RPS6KA2: variants seen among roughly 807,000 people sequenced by gnomAD.
RPS6KA2 encodes the protein ribosomal protein S6 kinase A2.
In RPS6KA2, 42 loss-of-function variants were observed where a neutral mutation model predicts 91.8. The observed-to-expected ratio is 0.46, with a 90% confidence interval of 0.36 to 0.59. RPS6KA2 has a LOEUF of 0.59. RPS6KA2 is among the 20% of genes least tolerant of loss of function. The probability of loss-of-function intolerance (pLI) is 0.00; values close to 1 mark genes in which losing one functional copy is unlikely to be tolerated. For synonymous variants in RPS6KA2, 414 were observed against 393.6 expected (o/e 1.05, Z -0.61); for missense variants, 798 against 978.5 (o/e 0.82, Z 2.46).
At position 166,770,756 on chromosome 6, in the gene RPS6KA2, A is replaced by G. The variant is rs1453896035; in HGVS notation, c.123+87444T>C. Reference sequence around the variant, plus strand: ...CACCTTGCCTTGCTGGACTCCGGGCACCGTGAAACAACTCAATAAATTGAA... The same window carrying G: ...CACCTTGCCTTGCTGGACTCCGGGCGCCGTGAAACAACTCAATAAATTGAA... On this transcript the variant is annotated intron_variant, in intron 2 of 21. Coordinates refer to the RPS6KA2 transcript ENST00000503859. This position sits in a 1 kb window ranked among gnomAD's most constrained non-coding sequence, Gnocchi z 5.1. 1.9e-6 allele frequency: 2 copies of G among 1,072,420 alleles called. No homozygotes were observed. Among genetic ancestry groups the G allele is most frequent in the Non-Finnish European group, 2.7e-6 (2 of 740,408 alleles). The allele number at this position is 1,072,420 out of a possible 1,614,324, so 66.4% of individuals were successfully genotyped here.
intron 10 of RPS6KA2, among the ~76,000 whole-genome samples, chr6:166,470,147 G>A (rs1780709510): frequency 6.6e-6 from 1 of 152,250 alleles, no homozygotes; most frequent in African/African-American, 2.4e-5. Context: ...GAGCAAAAGA[G>A]GTGGTCAAGA....
Position 166,788,727 on chromosome 6 carries a change from C to G in RPS6KA2, c.123+69473G>C, listed in dbSNP as rs770951136. Among the ~76,000 whole-genome samples the G allele has an allele frequency of 9.2e-5, 14 of 152,248 alleles. No individual in the cohort carries two copies. The East Asian group carries it at 1.5e-3, about 17-fold the overall frequency. On this transcript the variant is annotated intron_variant, in intron 2 of 21. Coordinates refer to the RPS6KA2 transcript ENST00000503859. ...GGAGGGAGAGCATCAGGACAAATAC[C>G]TAATGCATGTGGGGCTTAAAACCTA...
intron 1 of RPS6KA2, among the ~76,000 whole-genome samples, chr6:166,617,944 A>C (rs1442134186): frequency 5.3e-5 from 8 of 152,212 alleles, no homozygotes; most frequent in African/African-American, 1.9e-4. Context: ...GTAAATTCAC[A>C]CACAGCAAAG....
rs1035209007 is a variant in RPS6KA2 at position 166,825,814 on chromosome 6, A to C, written c.123+32386T>G. 6.6e-6 allele frequency among the ~76,000 whole-genome samples: 1 copy of C among 152,160 alleles called. No individual in the cohort carries two copies. The highest frequency in any genetic ancestry group is 1.5e-5 in the Non-Finnish European group (1 of 68,024). The stretch of plus-strand genomic sequence containing the variant: ...CGAGGCCCCACCTCCCAATACCATC[A>C]CCTTGAGGGTTAGGATTTCAACACG... On this transcript the variant is annotated intron_variant, in intron 2 of 21. Coordinates refer to the RPS6KA2 transcript ENST00000503859. This position sits in a 1 kb window ranked among gnomAD's most constrained non-coding sequence, Gnocchi z 4.1.
At chr6:166,539,963 CA>C (rs1197864617) in intron 1 of RPS6KA2, among the ~76,000 whole-genome samples, 1 of 152,190 alleles carries the variant, frequency 6.6e-6, no homozygotes, top group Admixed American at 6.5e-5. Flanking sequence ...AATGCGCATC[CA>C]AAAACAGCAA....
chr6:166,736,731 A>G (rs533679022), intron 2 of RPS6KA2, among the ~76,000 whole-genome samples: 2 of 152,266 alleles, frequency 1.3e-5, no homozygotes, highest in South Asian at 4.1e-4. Context: ...TGAAAGCTCT[A>G]TGGCCTGTGT....
Position 166,518,940 on chromosome 6 carries a change from C to T in RPS6KA2, c.299-8583G>A, listed in dbSNP as rs115651369. 9.9e-3 allele frequency among the ~76,000 whole-genome samples: 1,511 copies of T among 152,330 alleles called. 20 individuals carry two copies. Among genetic ancestry groups the T allele is most frequent in the African/African-American group, 0.033 (1,373 of 41,570 alleles). On this transcript the variant is annotated intron_variant, in intron 3 of 20. Transcript: ENST00000265678. ...GCTGGGCAGAGCTGCAATCCACTGACCTCACCATTGCCCACCCTAGGTGGT... is the reference window on the plus strand; with the variant it reads ...GCTGGGCAGAGCTGCAATCCACTGATCTCACCATTGCCCACCCTAGGTGGT...
chr6:166,467,095 C>T (rs1354987442), intron 11 of RPS6KA2, among the ~76,000 whole-genome samples: 1 of 151,906 alleles, frequency 6.6e-6, no homozygotes, highest in Non-Finnish European at 1.5e-5. Context: ...CACTCATTCA[C>T]TCTCTAACTC....
chr6:166,616,259 C>T (rs139165564), intron 1 of RPS6KA2, among the ~76,000 whole-genome samples: 1 of 152,306 alleles, frequency 6.6e-6, no homozygotes, highest in East Asian at 1.9e-4. Flanking sequence ...CCATTGGTGA[C>T]CTTGCCAAAG....
At chr6:166,526,222 T>G (rs1178474312) in intron 3 of RPS6KA2, among the ~76,000 whole-genome samples, 1 of 152,182 alleles carries the variant, frequency 6.6e-6, no homozygotes, top group Non-Finnish European at 1.5e-5. Flanking sequence ...TACTTTTTAG[T>G]GATGGATCAT....
rs145724163 is a variant in RPS6KA2, at chr6:166,716,601, C to T, written c.123+141599G>A. 2.9e-3 allele frequency among the ~76,000 whole-genome samples: 436 copies of T among 152,248 alleles called. 7 individuals are homozygous for T. The highest frequency in any genetic ancestry group is 0.011 in the South Asian group (51 of 4,826). Reference sequence around the variant, plus strand: ...GACCAAAACGTCCCTCTGCACTGCACGGCTGCATATGTAAGAGGTTAAGAC... The same window carrying T: ...GACCAAAACGTCCCTCTGCACTGCATGGCTGCATATGTAAGAGGTTAAGAC... On this transcript the variant is annotated intron_variant, in intron 2 of 21. Transcript: ENST00000503859.
At chr6:166,613,281 G>A (rs1478793540) in intron 1 of RPS6KA2, among the ~76,000 whole-genome samples, 2 of 152,204 alleles carry the variant, frequency 1.3e-5, no homozygotes, top group East Asian at 3.8e-4. Flanking sequence ...CAGGCGGCTG[G>A]GGTGCAAGAG....
chr6:166,614,575 C>T (rs58727224), intron 1 of RPS6KA2, among the ~76,000 whole-genome samples: 20,398 of 152,310 alleles, frequency 0.13, 1,439 homozygotes, highest in Non-Finnish European at 0.17. Flanking sequence ...CCAGAATATT[C>T]GCTTTGTCTT....
intron 1 of RPS6KA2, among the ~76,000 whole-genome samples, chr6:166,861,526 C>T (rs1781046886): frequency 6.6e-6 from 1 of 152,234 alleles, no homozygotes; most frequent in Non-Finnish European, 1.5e-5. Flanking sequence ...TCCTGCACAC[C>T]CACCAGCCCT....
chr6:166,657,480 T>C (rs1258171386), intron 2 of RPS6KA2, among the ~76,000 whole-genome samples: 1 of 152,192 alleles, frequency 6.6e-6, no homozygotes, highest in African/African-American at 2.4e-5. Context: ...TCCTTGGTTG[T>C]AGAAAAAGAG....
At chr6:166,747,866 G>A (rs553503905) in intron 2 of RPS6KA2, among the ~76,000 whole-genome samples, 1 of 152,352 alleles carries the variant, frequency 6.6e-6, no homozygotes, top group South Asian at 2.1e-4. Flanking sequence ...GCCTCCTCCT[G>A]AAGCTCTTAC....
rs1034582014 is a variant in RPS6KA2, at chr6:166,425,313, A to G, written c.1582-1896T>C. 2.6e-5 allele frequency among the ~76,000 whole-genome samples: 4 copies of G among 152,154 alleles called. No individual in the cohort carries two copies. In the East Asian group the frequency reaches 7.7e-4, roughly 29 times the overall value. ...CTCCTGAAGGAAGCACTAAACATGGAAAGGAACAACAGGTACCAGCCACTG... is the reference window on the plus strand; with the variant it reads ...CTCCTGAAGGAAGCACTAAACATGGGAAGGAACAACAGGTACCAGCCACTG... On this transcript the variant is annotated intron_variant, in intron 16 of 20. Coordinates refer to ENST00000265678, the MANE Select transcript of RPS6KA2 (RefSeq NM_021135.6).
intron 2 of RPS6KA2, among the ~76,000 whole-genome samples, chr6:166,673,264 G>C (rs1182122670): frequency 6.6e-6 from 1 of 152,182 alleles, no homozygotes; most frequent in Non-Finnish European, 1.5e-5. Flanking sequence ...AGGGGTGCAG[G>C]CTGCGGCTCT....
At chr6:166,578,976 C>T (rs1032744606) in intron 1 of RPS6KA2, among the ~76,000 whole-genome samples, 1 of 152,148 alleles carries the variant, frequency 6.6e-6, no homozygotes, top group African/African-American at 2.4e-5. Flanking sequence ...AAAGCCTCTG[C>T]ATTCTATATT....
Sources: allele counts gnomAD v4.1 joint callset (sites outside exome capture counted in the v4.1 genomes callset), GRCh38; gene constraint gnomAD v4.1.1; non-coding constraint Gnocchi (gnomAD v3.1); transcripts MANE v1.5; gene names NCBI Gene and HGNC (gene_info 2026-07-23, HGNC 2026-07-21).